Variants in GPC5 observed in about 807,000 individuals in gnomAD.
The protein encoded by GPC5 is glypican 5, also known as glypican-5.
GPC5 carries 47 observed loss-of-function variants against 53.9 expected under a neutral mutation model. The ratio of observed to expected loss-of-function variants is 0.87; its 90% CI spans 0.69 to 1.11. The LOEUF (loss-of-function observed/expected upper bound fraction) is 1.11, where lower values mean the gene tolerates loss of function less well. Ranked by LOEUF, GPC5 falls within the 50% of genes most tolerant of loss-of-function variation. The pLI, the probability that GPC5 is intolerant of heterozygous loss-of-function variation, is 0.00. For synonymous variants in GPC5, 286 were observed against 263.3 expected, an observed-to-expected ratio of 1.09 and a Z score of -0.84; for missense variants, 748 against 713.1, an observed-to-expected ratio of 1.05 and a Z score of -0.56.
At chr13:91,641,419 A>G (rs539648341) in intron 2 of GPC5, among the ~76,000 whole-genome samples, 7 of 152,320 alleles carry the variant, frequency 4.6e-5, no homozygotes, top group Admixed American at 3.3e-4. Flanking sequence ...CAACAAGAAC[A>G]CATGGACACG....
chr13:92,451,671 C>T (rs1878066110), intron 7 of GPC5, among the ~76,000 whole-genome samples: 1 of 152,164 alleles, frequency 6.6e-6, no homozygotes. Flanking sequence ...TAATAAAAGT[C>T]ACTAATCCAA....
intron 6 of GPC5, among the ~76,000 whole-genome samples, chr13:91,992,695 A>C (rs1358894647): frequency 6.6e-6 from 1 of 152,128 alleles, no homozygotes; most frequent in South Asian, 2.1e-4. Flanking sequence ...TGACCTCATG[A>C]TCTGCCCACC....
At chr13:92,536,165 C>A (rs1000902412) in intron 7 of GPC5, among the ~76,000 whole-genome samples, 1 of 151,988 alleles carries the variant, frequency 6.6e-6, no homozygotes, top group Admixed American at 6.6e-5. Context: ...CACCAATATG[C>A]GGTATTATTC....
At chr13:92,294,152 TC>T (rs982696113) in intron 7 of GPC5, among the ~76,000 whole-genome samples, 11 of 152,190 alleles carry the variant, frequency 7.2e-5, no homozygotes, top group African/African-American at 2.7e-4. Context: ...TCTGTAGTTT[TC>T]TTTTTTGGTT....
chr13:91,758,083 A>C (rs909488461), intron 5 of GPC5, among the ~76,000 whole-genome samples: 1 of 152,094 alleles, frequency 6.6e-6, no homozygotes, highest in African/African-American at 2.4e-5. Flanking sequence ...ACTGTATTTA[A>C]ATTTAAATAA....
intron 7 of GPC5, among the ~76,000 whole-genome samples, chr13:92,837,088 A>G (rs1167529163): frequency 2.6e-5 from 4 of 152,198 alleles, no homozygotes; most frequent in Admixed American, 2.0e-4. Flanking sequence ...AAACCTTGCA[A>G]GCTTCCAGAC....
intron 2 of GPC5, among the ~76,000 whole-genome samples, chr13:91,592,553 C>T (rs1414710): frequency 6.6e-6 from 1 of 152,104 alleles, no homozygotes; most frequent in African/African-American, 2.4e-5. Context: ...CACAAACTTG[C>T]GCATCTCACC....
chr13:92,534,868 T>C (rs1408295446), intron 7 of GPC5, among the ~76,000 whole-genome samples: 1 of 151,892 alleles, frequency 6.6e-6, no homozygotes, highest in Non-Finnish European at 1.5e-5. Flanking sequence ...TAGAGGAGGA[T>C]AGGAAAGGAG....
intron 7 of GPC5, among the ~76,000 whole-genome samples, chr13:92,497,758 G>T (rs1594251672): frequency 6.6e-6 from 1 of 151,940 alleles, no homozygotes; most frequent in Non-Finnish European, 1.5e-5. Context: ...TTTTCCATTT[G>T]TCTGTGTCCT....
intron 2 of GPC5, among the ~76,000 whole-genome samples, chr13:91,553,054 A>C (rs2138839891): frequency 6.6e-6 from 1 of 152,166 alleles, no homozygotes; most frequent in East Asian, 1.9e-4. Context: ...ATTACAGTTA[A>C]TTGTGTCTTT....
chr13:92,091,114 A>G (rs1198939902), intron 6 of GPC5, among the ~76,000 whole-genome samples: 2 of 152,198 alleles, frequency 1.3e-5, no homozygotes, highest in African/African-American at 2.4e-5. Context: ...AGTCTCTGGT[A>G]TTCTGTTACA....
chr13:91,470,321 G>A (rs763712744), intron 2 of GPC5, among the ~76,000 whole-genome samples: 1 of 152,000 alleles, frequency 6.6e-6, no homozygotes, highest in Non-Finnish European at 1.5e-5. Context: ...TCTGTCAAAC[G>A]TCCTTTCAAA....
chr13:91,700,963 C>T (rs1282835890), intron 3 of GPC5, among the ~76,000 whole-genome samples: 1 of 152,102 alleles, frequency 6.6e-6, no homozygotes, highest in Non-Finnish European at 1.5e-5. Flanking sequence ...TCAGGTGCAT[C>T]ACTGATGCTT....
chr13:91,434,282 T>C (rs1879734474), intron 1 of GPC5, among the ~76,000 whole-genome samples: 1 of 152,212 alleles, frequency 6.6e-6, no homozygotes, highest in Non-Finnish European at 1.5e-5. Flanking sequence ...TGCCCATGCC[T>C]ATGTCCTGAA....
chr13:92,630,637 C>A (rs1246450903), intron 7 of GPC5, among the ~76,000 whole-genome samples: 2 of 152,026 alleles, frequency 1.3e-5, no homozygotes, highest in African/African-American at 4.8e-5. Flanking sequence ...CACGTGTATA[C>A]CTATGTAACA....
chr13:92,061,925 GATCT>G (rs1239582276), intron 6 of GPC5, among the ~76,000 whole-genome samples: 1 of 151,978 alleles, frequency 6.6e-6, no homozygotes, highest in East Asian at 1.9e-4. Context: ...TAGGCTATAA[GATCT>G]TTTTCATCCC....
At chr13:92,792,835 T>C (rs554729299) in intron 7 of GPC5, among the ~76,000 whole-genome samples, 150 of 152,176 alleles carry the variant, frequency 9.9e-4, no homozygotes, top group African/African-American at 3.5e-3. Context: ...GAAGAGCTAA[T>C]TATCCTAAAG....
chr13:91,519,920 CA>C (rs915534565), intron 2 of GPC5, among the ~76,000 whole-genome samples: 33 of 150,676 alleles, frequency 2.2e-4, no homozygotes, highest in African/African-American at 7.6e-4. Flanking sequence ...AAGAACTTAT[CA>C]AAAAAAATCA....
chr13:91,417,488 T>C (rs963181564), intron 1 of GPC5, among the ~76,000 whole-genome samples: 2 of 152,090 alleles, frequency 1.3e-5, no homozygotes, highest in Non-Finnish European at 2.9e-5. Flanking sequence ...GCAGGCAGAA[T>C]ATGTGTGCTG....
Sources: gnomAD v4.1 joint callset for allele counts (sites outside exome capture counted in the v4.1 genomes callset) on GRCh38, gnomAD v4.1.1 for gene constraint, MANE v1.5 for transcripts, NCBI Gene and HGNC (gene_info 2026-07-23, HGNC 2026-07-21) for gene names.